Variants in TMEM38B observed in about 807,000 individuals in gnomAD.
TMEM38B encodes trimeric intracellular cation channel type B.
TMEM38B carries 24 observed loss-of-function variants against 28.7 expected under a neutral mutation model. The observed-to-expected ratio is 0.84, with a 90% confidence interval of 0.61 to 1.18. The LOEUF is 1.18. TMEM38B is among the 50% of genes most tolerant of loss of function. TMEM38B has a pLI of 0.00. For synonymous variants in TMEM38B, 131 were observed against 127.7 expected (o/e 1.03, Z -0.17); for missense variants, 380 against 350.9 (o/e 1.08, Z -0.66).
intron 1 of TMEM38B, among the ~76,000 whole-genome samples, chr9:105,702,421 C>T (rs1296650494): frequency 3.3e-5 from 5 of 152,084 alleles, no homozygotes; most frequent in African/African-American, 7.2e-5. Context: ...GCAAGTAGTT[C>T]TTAAAAACAG....
intron 2 of TMEM38B, among the ~76,000 whole-genome samples, chr9:105,718,384 G>A (rs889890066): frequency 6.6e-6 from 1 of 151,764 alleles, no homozygotes; most frequent in African/African-American, 2.4e-5. Context: ...GATTATAGGC[G>A]CCCGCCACCA....
At chr9:105,704,452 A>G (rs571484808) in intron 1 of TMEM38B, among the ~76,000 whole-genome samples, 77 of 152,238 alleles carry the variant, frequency 5.1e-4, no homozygotes, top group African/African-American at 1.7e-3. Context: ...AGTTAGAGAC[A>G]TTGTTCATAT....
At chr9:105,706,610 T>C (rs1005203559) in intron 2 of TMEM38B, among the ~76,000 whole-genome samples, 5 of 152,126 alleles carry the variant, frequency 3.3e-5, no homozygotes, top group Non-Finnish European at 5.9e-5. Context: ...AAGAATTGGC[T>C]AAATACAGGC....
chr9:105,717,658 A>G (rs1836157023), intron 2 of TMEM38B, among the ~76,000 whole-genome samples: 1 of 123,032 alleles, frequency 8.1e-6, no homozygotes, highest in African/African-American at 3.8e-5. Flanking sequence ...TGCTAAAACT[A>G]CATAAAAAAG....
chr9:105,774,169 A>G lies in TMEM38B; in HGVS notation c.*89A>G. On this transcript the variant is annotated 3_prime_UTR_variant, in exon 6 of 6. Coordinates refer to ENST00000374692, the MANE Select transcript of TMEM38B (RefSeq NM_018112.3). ...AATTTTTCTATGTATGTGATGTGAA[A>G]TGAAGACTATATATATGGAATGGAG... 4.7e-6 allele frequency: 5 copies of G among 1,053,400 alleles called. No individual in the cohort carries two copies. In the South Asian group the frequency reaches 6.2e-5, roughly 13 times the overall value. The allele number at this position is 1,053,400 out of a possible 1,614,324, so 65.3% of individuals were successfully genotyped here.
intron 4 of TMEM38B, among the ~76,000 whole-genome samples, chr9:105,738,293 C>T (rs1360569975): frequency 1.3e-4 from 19 of 151,962 alleles, no homozygotes; most frequent in Non-Finnish European, 8.8e-5. Context: ...CTTTTGTTTA[C>T]CTTTTCTTGG....
intron 4 of TMEM38B, among the ~76,000 whole-genome samples, chr9:105,745,930 A>G (rs1027231289): frequency 6.6e-6 from 1 of 151,944 alleles, no homozygotes; most frequent in Non-Finnish European, 1.5e-5. Context: ...GTTCTGTTCC[A>G]TTGGTCTATA....
chr9:105,722,501 C>T, intron 3 of TMEM38B, 33 bp from the exon 4 acceptor site: 2 of 1,577,612 alleles, frequency 1.3e-6, no homozygotes, highest in Non-Finnish European at 1.7e-6. Context: ...GAAAATTTGG[C>T]CAAATATTCT....
intron 4 of TMEM38B, among the ~76,000 whole-genome samples, chr9:105,739,044 A>G (rs1432217395): frequency 6.6e-6 from 1 of 152,012 alleles, no homozygotes; most frequent in Admixed American, 6.6e-5. Flanking sequence ...TATATATCAT[A>G]TGAATAGGGG....
chr9:105,752,616 GA>G (rs1402772562), intron 5 of TMEM38B, among the ~76,000 whole-genome samples: 4 of 151,954 alleles, frequency 2.6e-5, no homozygotes, highest in South Asian at 2.1e-4. Flanking sequence ...AAAACAAACA[GA>G]AAACAACAAC....
chr9:105,754,603 A>G (rs1316942959), intron 5 of TMEM38B, among the ~76,000 whole-genome samples: 1 of 152,238 alleles, frequency 6.6e-6, no homozygotes, highest in African/African-American at 2.4e-5. Flanking sequence ...ACAGCATACC[A>G]GAAACTCTGG....
rs1024480601 is a variant in TMEM38B at position 105,775,473 on chromosome 9, A to G, written c.*1393A>G. ...GGTTTAGAAGTACTCAAGTCACATC[A>G]CATTCAAGTTAGAAGTTTTTTTTTT... On this transcript the variant is annotated 3_prime_UTR_variant, in exon 6 of 6. Transcript: ENST00000374692. The G allele has an allele frequency of 1.3e-5, 2 of 151,996 alleles. No homozygotes were observed. The highest frequency in any genetic ancestry group is 2.9e-5 in the Non-Finnish European group (2 of 67,978). The allele number at this position is 151,996 out of a possible 1,614,324, so 9.4% of individuals were successfully genotyped here. A position where few individuals can be genotyped will look rare whatever the true frequency, so the allele number is the denominator to read the frequency against.
intron 2 of TMEM38B, 84 bp downstream of exon 2, chr9:105,705,837 A>G: frequency 1.4e-6 from 2 of 1,420,528 alleles, no homozygotes; most frequent in Non-Finnish European, 1.9e-6. Flanking sequence ...TTTTCTTTGA[A>G]CAATATTTTA....
intron 4 of TMEM38B, among the ~76,000 whole-genome samples, chr9:105,732,633 A>G (rs990020942): frequency 2.0e-5 from 3 of 148,250 alleles, no homozygotes; most frequent in Non-Finnish European, 4.4e-5. Context: ...GTGTGGTGTT[A>G]TTTCTGAGGC....
intron 5 of TMEM38B, among the ~76,000 whole-genome samples, chr9:105,749,932 G>T (rs1438331645): frequency 1.3e-5 from 2 of 152,110 alleles, no homozygotes; most frequent in Non-Finnish European, 2.9e-5. Flanking sequence ...TCCTTTTGAG[G>T]AACTGATGCA....
intron 4 of TMEM38B, among the ~76,000 whole-genome samples, chr9:105,725,842 G>C (rs1367318873): frequency 6.6e-6 from 1 of 152,102 alleles, no homozygotes; most frequent in Non-Finnish European, 1.5e-5. Flanking sequence ...TGAAGACCTA[G>C]GACATTAGTG....
intron 2 of TMEM38B, among the ~76,000 whole-genome samples, chr9:105,706,151 G>A (rs572610801): frequency 6.6e-6 from 1 of 152,032 alleles, no homozygotes; most frequent in Non-Finnish European, 1.5e-5. Context: ...TGCCCGCCTC[G>A]GCCTCCCAAA....
At chr9:105,739,302 G>A (rs1447013331) in intron 4 of TMEM38B, among the ~76,000 whole-genome samples, 1 of 145,426 alleles carries the variant, frequency 6.9e-6, no homozygotes, top group African/African-American at 2.6e-5. Flanking sequence ...CTTTAACTTG[G>A]TTCTTTTTTT....
intron 1 of TMEM38B, among the ~76,000 whole-genome samples, chr9:105,697,774 C>A (rs957112517): frequency 2.0e-5 from 3 of 151,896 alleles, no homozygotes; most frequent in Admixed American, 2.0e-4. Context: ...ATGAAAAAAT[C>A]TATTAATTTT....
Sources: allele counts gnomAD v4.1 joint callset (sites outside exome capture counted in the v4.1 genomes callset), GRCh38; gene constraint gnomAD v4.1.1; transcripts MANE v1.5; gene names NCBI Gene and HGNC (gene_info 2026-07-23, HGNC 2026-07-21).